The following DAB2IP variants were observed in gnomAD, a reference collection of about 807,000 sequenced individuals.
DAB2IP encodes the protein disabled homolog 2-interacting protein.
DAB2IP carries 28 observed loss-of-function variants against 107.2 expected under a neutral mutation model. The observed-to-expected ratio is 0.26, with a 90% confidence interval of 0.19 to 0.36. DAB2IP has a LOEUF of 0.36. Ranked by LOEUF, DAB2IP falls within the 10% of genes least tolerant of loss-of-function variation. The pLI, the probability that DAB2IP is intolerant of heterozygous loss-of-function variation, is 1.00. For synonymous variants in DAB2IP, 755 were observed against 706.4 expected, an observed-to-expected ratio of 1.07 and a Z score of -1.09; for missense variants, 1,400 against 1,644.7, an observed-to-expected ratio of 0.85 and a Z score of 2.57.
upstream of DAB2IP, chr9:121,651,446 C>T (rs1033023727): frequency 1.8e-5 from 3 of 163,236 alleles, no homozygotes; most frequent in African/African-American, 7.2e-5. This position sits in a 1 kb window ranked among gnomAD's most constrained non-coding sequence, Gnocchi z 5.1. Flanking sequence ...AGCCAGAACC[C>T]TCGGGACGAC....
intron 3 of DAB2IP, among the ~76,000 whole-genome samples, chr9:121,704,980 A>T (rs1447021099): frequency 6.6e-6 from 1 of 152,222 alleles, no homozygotes; most frequent in East Asian, 1.9e-4. Flanking sequence ...TGACCGGCCC[A>T]GGAGCACATG....
chr9:121,761,324 C>A (rs1294076544), intron 6 of DAB2IP, among the ~76,000 whole-genome samples: 2 of 152,222 alleles, frequency 1.3e-5, no homozygotes, highest in African/African-American at 2.4e-5. Context: ...CGTGGATGGA[C>A]CCTGGTGCTG....
intron 1 of DAB2IP, among the ~76,000 whole-genome samples, chr9:121,636,661 T>C (rs1832099509): frequency 6.6e-6 from 1 of 152,152 alleles, no homozygotes; most frequent in Non-Finnish European, 1.5e-5. Flanking sequence ...TGTGGGTGCA[T>C]GGGGCTGAGG....
intron 1 of DAB2IP, among the ~76,000 whole-genome samples, chr9:121,671,399 T>G (rs1833675904): frequency 6.6e-6 from 1 of 152,178 alleles, no homozygotes; most frequent in East Asian, 1.9e-4. Context: ...TCAGGATGAT[T>G]TCCCATCTCA....
intron 1 of DAB2IP, among the ~76,000 whole-genome samples, chr9:121,643,366 C>CTTACTTATCCA (rs1832428114): frequency 6.6e-6 from 1 of 152,116 alleles, no homozygotes; most frequent in African/African-American, 2.4e-5. Context: ...GCCTCAAGCC[C>CTTACTTATCCA]AGATCTCCCA....
chr9:121,784,061 G>A (rs571412712), exon 16 of DAB2IP: 2 of 171,020 alleles, frequency 1.2e-5, no homozygotes, highest in Admixed American at 1.1e-4. Context: ...GCCATACTGC[G>A]TCCACCCTGA....
chr9:121,675,164 C>T (rs192070125), intron 1 of DAB2IP, among the ~76,000 whole-genome samples: 11 of 152,160 alleles, frequency 7.2e-5, no homozygotes, highest in African/African-American at 1.7e-4. Flanking sequence ...GACTGATGTG[C>T]GGGGTTGTGA....
rs143560087 is a variant in DAB2IP, at chr9:121,642,333, C to T, written c.41-36345C>T. Among the ~76,000 whole-genome samples the T allele has an allele frequency of 8.6e-5, 13 of 151,762 alleles. No individual in the cohort carries two copies. In the East Asian group the frequency reaches 1.4e-3, roughly 16 times the overall value. ...TCAGCTCACTGCAACCTCTGCCTCC[C>T]GGGCTCAAGCAATTCTCGTGTGTCG... On this transcript the variant is annotated intron_variant, in intron 1 of 16. Transcript: ENST00000259371.
chr9:121,605,508 G>T (rs1001770183), intron 1 of DAB2IP, among the ~76,000 whole-genome samples: 1 of 150,880 alleles, frequency 6.6e-6, no homozygotes, highest in Non-Finnish European at 1.5e-5. Flanking sequence ...ATTATTGTTG[G>T]TTTTTTTTGA....
In DAB2IP at chr9:121,747,569, G is replaced by A. The variant is rs540726590; in HGVS notation, c.363-9444G>A. ...TCACCGTGTTAGCCAGGATGGTCTCGATCTCCTGACCTCATGATCCACCTG... is the reference window on the plus strand; with the variant it reads ...TCACCGTGTTAGCCAGGATGGTCTCAATCTCCTGACCTCATGATCCACCTG... On this transcript the variant is annotated intron_variant, in intron 3 of 15. Transcript: ENST00000408936. 2.0e-5 allele frequency among the ~76,000 whole-genome samples: 3 copies of A among 152,058 alleles called. No individual in the cohort carries two copies. The East Asian group carries it at 5.8e-4, about 29-fold the overall frequency.
At chr9:121,669,122 G>A (rs1357917166) in intron 1 of DAB2IP, among the ~76,000 whole-genome samples, 1 of 151,920 alleles carries the variant, frequency 6.6e-6, no homozygotes, top group African/African-American at 2.4e-5. Flanking sequence ...TGCCATGCTG[G>A]CCAGGCTGAG....
At chr9:121,657,320 G>T (rs185801114) in intron 1 of DAB2IP, among the ~76,000 whole-genome samples, 3 of 152,302 alleles carry the variant, frequency 2.0e-5, no homozygotes, top group East Asian at 1.9e-4. Flanking sequence ...GAGGCCACAG[G>T]CCCCAGTGAA....
chr9:121,690,095 T>G (rs1222329577), intron 2 of DAB2IP, among the ~76,000 whole-genome samples: 1 of 152,240 alleles, frequency 6.6e-6, no homozygotes, highest in Non-Finnish European at 1.5e-5. Flanking sequence ...ATACAGTGCC[T>G]GAAGCTTAGA....
intron 4 of DAB2IP, among the ~76,000 whole-genome samples, chr9:121,757,748 C>T (rs1177660014): frequency 3.3e-5 from 5 of 150,750 alleles, no homozygotes; most frequent in African/African-American, 5.0e-5. Flanking sequence ...AAGCCGGGAG[C>T]AGGGTTACTA....
chr9:121,612,908 A>G (rs1028725013), intron 1 of DAB2IP, among the ~76,000 whole-genome samples: 3 of 152,198 alleles, frequency 2.0e-5, no homozygotes, highest in African/African-American at 7.2e-5. Flanking sequence ...GGAGTCTTGC[A>G]GCCAGGTCAG....
rs370186437 is a variant in DAB2IP at position 121,629,145 on chromosome 9, T to C, written c.41-49533T>C. On this transcript the variant is annotated intron_variant, in intron 1 of 16. Coordinates refer to the DAB2IP transcript ENST00000259371. ...AAGGTGCTGGTGAAGGCGACAGAAA[T>C]GATGCGATAGATTCCCTTTCGCTCT... Among the ~76,000 whole-genome samples, 14 of 152,242 alleles carry C rather than the reference T, an allele frequency of 9.2e-5. No individual in the cohort carries two copies. The South Asian group carries it at 2.7e-3, about 29-fold the overall frequency.
In DAB2IP at chr9:121,580,002, C is replaced by T. The variant is rs548567211; in HGVS notation, c.40+12774C>T. On this transcript the variant is annotated intron_variant, in intron 1 of 16. Coordinates refer to the DAB2IP transcript ENST00000259371. ...GCCTCAGGATCATTCTGGGTAGGAA[C>T]GATGCCCAGCCTCGCCCTAGAGATT... Among the ~76,000 whole-genome samples the T allele has an allele frequency of 4.6e-5, 7 of 152,232 alleles. 1 individual carries two copies. In the East Asian group the frequency reaches 7.7e-4, roughly 17 times the overall value.
chr9:121,760,050 G>T lies in DAB2IP; in HGVS notation c.781G>T (p.Glu261Ter), dbSNP rs1833779720. 6.2e-7 allele frequency: 1 copy of T among 1,613,974 alleles called. No individual in the cohort carries two copies. The highest frequency in any genetic ancestry group is 8.5e-7 in the Non-Finnish European group (1 of 1,180,054). Reference sequence around the variant, plus strand: ...CAATGTTTTCTGGGGCGAGCACTTCGAGTTCCACAACTTGCCGCCTCTGCG... The same window carrying T: ...CAATGTTTTCTGGGGCGAGCACTTCTAGTTCCACAACTTGCCGCCTCTGCG... The change falls in exon 6 of 16, where the codon GAG (glutamate) becomes TAG (stop). Residue 261 changes from glutamate to a stop codon, truncating the protein, a stop_gained. Transcript: ENST00000408936. LOFTEE classifies it high-confidence loss of function. The surrounding 1 kb of genome is among the most constrained non-coding windows in gnomAD (Gnocchi z 5.9).
chr9:121,588,968 C>T (rs1280843824), intron 1 of DAB2IP, among the ~76,000 whole-genome samples: 1 of 151,912 alleles, frequency 6.6e-6, no homozygotes, highest in Non-Finnish European at 1.5e-5. Flanking sequence ...ATCACACCCC[C>T]TACCCCCCAC....
Sources: allele counts gnomAD v4.1 joint callset (sites outside exome capture counted in the v4.1 genomes callset), GRCh38; gene constraint gnomAD v4.1.1; non-coding constraint Gnocchi (gnomAD v3.1); transcripts MANE v1.5; gene names NCBI Gene and HGNC (gene_info 2026-07-23, HGNC 2026-07-21).